The following MAN1A1 variants were observed in gnomAD, a reference collection of about 807,000 sequenced individuals.
MAN1A1 encodes mannosyl-oligosaccharide 1,2-alpha-mannosidase IA.
A neutral mutation model predicts 70.8 loss-of-function variants in MAN1A1; 29 were observed. That is an observed-to-expected ratio of 0.41 (90% CI 0.31 to 0.56). The LOEUF (loss-of-function observed/expected upper bound fraction) is 0.56. Ranked by LOEUF, MAN1A1 falls within the 20% of genes least tolerant of loss-of-function variation. The pLI is 0.29. For missense variants in MAN1A1, 747 were observed against 841.3 expected, an observed-to-expected ratio of 0.89 and a Z score of 1.39; for synonymous variants, 349 against 330.1, an observed-to-expected ratio of 1.06 and a Z score of -0.62.
chr6:119,211,623 G>C (rs1774053133), intron 6 of MAN1A1, among the ~76,000 whole-genome samples: 1 of 152,066 alleles, frequency 6.6e-6, no homozygotes, highest in African/African-American at 2.4e-5. Flanking sequence ...TCCTCTTCCA[G>C]GCTGATCCCA....
At chr6:119,239,464 G>C (rs1383918678) in intron 6 of MAN1A1, among the ~76,000 whole-genome samples, 1 of 152,168 alleles carries the variant, frequency 6.6e-6, no homozygotes, top group Non-Finnish European at 1.5e-5. Context: ...ACATGGAGTA[G>C]TTAATGTATC....
rs186301640 is a variant in MAN1A1, at chr6:119,270,683, A to G, written c.897+20000T>C. On this transcript the variant is annotated intron_variant, in intron 5 of 12. Coordinates refer to ENST00000368468, the MANE Select transcript of MAN1A1 (RefSeq NM_005907.4). Reference sequence around the variant, plus strand: ...GGAAACAATATTCCCAAGTTCTTGCATGCTGACAATAGCCCGCTTGTGTCA... The same window carrying G: ...GGAAACAATATTCCCAAGTTCTTGCGTGCTGACAATAGCCCGCTTGTGTCA... Among the ~76,000 whole-genome samples the G allele has an allele frequency of 9.4e-3, 1,427 of 152,346 alleles. 78 individuals carry two copies. The highest frequency in any genetic ancestry group is 0.085 in the Admixed American group (1,296 of 15,300).
intron 3 of MAN1A1, among the ~76,000 whole-genome samples, chr6:119,306,651 G>C (rs991734436): frequency 6.6e-6 from 1 of 152,162 alleles, no homozygotes; most frequent in African/African-American, 2.4e-5. Flanking sequence ...ATCTTTAGAA[G>C]TATGCCCCAG....
chr6:119,321,973 A>C (rs987709753), intron 2 of MAN1A1, among the ~76,000 whole-genome samples: 12 of 152,138 alleles, frequency 7.9e-5, no homozygotes, highest in Admixed American at 6.5e-4. Flanking sequence ...GCAGCCCTCC[A>C]TAACAGTGGC....
At chr6:119,180,058 G>T in intron 12 of MAN1A1, 113 bp from the exon 13 acceptor site, 1 of 1,162,698 alleles carries the variant, frequency 8.6e-7, no homozygotes, top group Non-Finnish European at 1.2e-6. Flanking sequence ...AAGAAACATG[G>T]ACAAGAGTCA....
At chr6:119,196,763 CTT>C (rs2114940132) in intron 8 of MAN1A1, among the ~76,000 whole-genome samples, 1 of 152,284 alleles carries the variant, frequency 6.6e-6, no homozygotes, top group African/African-American at 2.4e-5. Context: ...GAATTTCTCT[CTT>C]TGAAACAATC....
chr6:119,316,212 T>C (rs1422422638), intron 2 of MAN1A1, among the ~76,000 whole-genome samples: 1 of 147,312 alleles, frequency 6.8e-6, no homozygotes, highest in Admixed American at 7.0e-5. Context: ...AGTTTTGCTC[T>C]TGTTGCCCAG....
intron 6 of MAN1A1, among the ~76,000 whole-genome samples, chr6:119,218,168 C>T (rs990991591): frequency 4.6e-5 from 7 of 151,808 alleles, no homozygotes; most frequent in African/African-American, 1.7e-4. Context: ...AATTTTTTTT[C>T]TTGATTTGTT....
intron 8 of MAN1A1, among the ~76,000 whole-genome samples, chr6:119,199,396 G>C (rs1773655926): frequency 6.6e-6 from 1 of 152,100 alleles, no homozygotes; most frequent in Non-Finnish European, 1.5e-5. Context: ...AGCTCAGCTT[G>C]CAACTCAAAA....
chr6:119,206,570 T>C (rs766924174), intron 6 of MAN1A1, among the ~76,000 whole-genome samples: 7 of 152,226 alleles, frequency 4.6e-5, no homozygotes, highest in African/African-American at 1.7e-4. Flanking sequence ...AAATGATATA[T>C]TCATTTATTT....
At chr6:119,350,094 C>T (rs1283574338), upstream of MAN1A1, among the ~76,000 whole-genome samples, 1 of 152,128 alleles carries the variant, frequency 6.6e-6, no homozygotes, top group Non-Finnish European at 1.5e-5. Flanking sequence ...GCAGGGGTCC[C>T]CGGGGTGGTT....
chr6:119,330,284 C>T (rs751481457), intron 2 of MAN1A1, among the ~76,000 whole-genome samples: 1 of 152,128 alleles, frequency 6.6e-6, no homozygotes, highest in Non-Finnish European at 1.5e-5. Context: ...ATATCCTAAA[C>T]CACATCCATT....
chr6:119,194,410 A>T (rs1025491707), intron 8 of MAN1A1, among the ~76,000 whole-genome samples: 15 of 152,032 alleles, frequency 9.9e-5, no homozygotes, highest in African/African-American at 2.7e-4. Context: ...TATAACCTCG[A>T]ACTCCCGAGC....
chr6:119,272,746 G>A (rs1775959016), intron 5 of MAN1A1, among the ~76,000 whole-genome samples: 1 of 152,120 alleles, frequency 6.6e-6, no homozygotes, highest in South Asian at 2.1e-4. Flanking sequence ...ATGAATGTGT[G>A]TGTGTTTTCA....
At chr6:119,299,422 T>C (rs1490678397) in intron 4 of MAN1A1, among the ~76,000 whole-genome samples, 1 of 152,116 alleles carries the variant, frequency 6.6e-6, no homozygotes, top group Non-Finnish European at 1.5e-5. Context: ...ATTTGAGAAA[T>C]ATGGCTGTAA....
chr6:119,305,343 T>C (rs1391687224), intron 3 of MAN1A1, among the ~76,000 whole-genome samples: 1 of 152,156 alleles, frequency 6.6e-6, no homozygotes, highest in Non-Finnish European at 1.5e-5. Context: ...AAGACTTTTA[T>C]AGAGATAAAA....
At chr6:119,310,459 T>A (rs370669950) in intron 2 of MAN1A1, among the ~76,000 whole-genome samples, 1 of 152,176 alleles carries the variant, frequency 6.6e-6, no homozygotes, top group Admixed American at 6.6e-5. Context: ...GTTTGTAGGA[T>A]GTGATGCTGG....
intron 5 of MAN1A1, among the ~76,000 whole-genome samples, chr6:119,287,890 T>C (rs1437859707): frequency 6.6e-6 from 1 of 152,022 alleles, no homozygotes. Context: ...ATTCATCTTA[T>C]CCCCATCCTA....
intron 11 of MAN1A1, among the ~76,000 whole-genome samples, chr6:119,180,773 CAA>C (rs34621053): frequency 0.13 from 19,668 of 151,934 alleles, 1,568 homozygotes; most frequent in East Asian, 0.22. Flanking sequence ...CTCGGCCTCC[CAA>C]AGAGTTGGGA....
Sources: gnomAD v4.1 joint callset for allele counts (sites outside exome capture counted in the v4.1 genomes callset) on GRCh38, gnomAD v4.1.1 for gene constraint, MANE v1.5 for transcripts, NCBI Gene and HGNC (gene_info 2026-07-23, HGNC 2026-07-21) for gene names.